Variants in TMTC2 observed in about 807,000 individuals in gnomAD.
The protein encoded by TMTC2 is transmembrane O-mannosyltransferase targeting cadherins 2, also known as protein O-mannosyl-transferase TMTC2.
Under a neutral mutation model 82.4 loss-of-function variants are expected in TMTC2, and 43 were observed. That is an observed-to-expected ratio of 0.52 (90% CI 0.41 to 0.67). The LOEUF (loss-of-function observed/expected upper bound fraction) is 0.67, where lower values mean the gene tolerates loss of function less well. Ranked by LOEUF, TMTC2 falls within the 30% of genes least tolerant of loss-of-function variation. TMTC2 has a pLI of 0.00. For synonymous variants in TMTC2, 408 were observed against 381.9 expected, an observed-to-expected ratio of 1.07 and a Z score of -0.80; for missense variants, 919 against 1,012.4, an observed-to-expected ratio of 0.91 and a Z score of 1.25.
chr12:83,018,965 C>T (rs1002751636), intron 8 of TMTC2, among the ~76,000 whole-genome samples: 1 of 152,104 alleles, frequency 6.6e-6, no homozygotes, highest in Non-Finnish European at 1.5e-5. Flanking sequence ...AAAGAGATTA[C>T]AAATGGTAAT....
At chr12:82,876,282 A>C (rs541616771) in intron 2 of TMTC2, among the ~76,000 whole-genome samples, 1 of 151,366 alleles carries the variant, frequency 6.6e-6, no homozygotes, top group East Asian at 1.9e-4. Context: ...TGTTTCTCAC[A>C]GTGTTTACCT....
intron 11 of TMTC2, among the ~76,000 whole-genome samples, chr12:83,080,996 A>G (rs1340996756): frequency 6.6e-6 from 1 of 152,220 alleles, no homozygotes; most frequent in African/African-American, 2.4e-5. Context: ...TGTGGATATA[A>G]TGAGAAATAG....
At chr12:83,010,260 G>C (rs748624544) in intron 8 of TMTC2, among the ~76,000 whole-genome samples, 3 of 152,120 alleles carry the variant, frequency 2.0e-5, no homozygotes, top group African/African-American at 7.2e-5. Flanking sequence ...AATAAACATA[G>C]AGATTGACCC....
At chr12:83,001,910 CAG>C (rs996567288) in intron 8 of TMTC2, among the ~76,000 whole-genome samples, 92 of 152,164 alleles carry the variant, frequency 6.0e-4, no homozygotes, top group African/African-American at 2.2e-3. Flanking sequence ...AAAAAAAAGA[CAG>C]AGTTTTGAGC....
At chr12:83,061,252 T>C (rs1255221567) in intron 10 of TMTC2, among the ~76,000 whole-genome samples, 1 of 151,796 alleles carries the variant, frequency 6.6e-6, no homozygotes, top group East Asian at 1.9e-4. Context: ...GGACACATAA[T>C]CTGGACTTTT....
intron 4 of TMTC2, among the ~76,000 whole-genome samples, chr12:82,952,849 A>G (rs1244891293): frequency 1.3e-5 from 2 of 152,184 alleles, no homozygotes. Context: ...CTGGGATTAC[A>G]GCCATGAGCC....
chr12:82,953,504 G>T (rs1433028975), intron 4 of TMTC2, among the ~76,000 whole-genome samples: 2 of 152,114 alleles, frequency 1.3e-5, no homozygotes, highest in East Asian at 3.9e-4. Context: ...TTTCATGAGT[G>T]TACCGTGCTA....
At chr12:82,997,368 G>GTATATATATA (rs374059079) in intron 8 of TMTC2, among the ~76,000 whole-genome samples, 2 of 35,468 alleles carry the variant, frequency 5.6e-5, no homozygotes, top group African/African-American at 7.9e-5. Flanking sequence ...ATATATATGT[G>GTATATATATA]TATATATATA....
At chr12:83,119,491 A>G (rs539147855) in intron 11 of TMTC2, among the ~76,000 whole-genome samples, 1 of 152,180 alleles carries the variant, frequency 6.6e-6, no homozygotes, top group South Asian at 2.1e-4. Flanking sequence ...GTTCTATTCC[A>G]CTGTGGTGTG....
chr12:83,020,989 G>A (rs1009158935), intron 8 of TMTC2, among the ~76,000 whole-genome samples: 1 of 151,974 alleles, frequency 6.6e-6, no homozygotes, highest in Non-Finnish European at 1.5e-5. Context: ...AGAATCTCAG[G>A]TATTTAAATA....
At chr12:82,767,116 C>G (rs1295027440) in intron 1 of TMTC2, among the ~76,000 whole-genome samples, 1 of 152,112 alleles carries the variant, frequency 6.6e-6, no homozygotes, top group Non-Finnish European at 1.5e-5. Context: ...TCACTGTTCT[C>G]TATTTTAAAT....
rs147652973 is a variant in TMTC2, at chr12:83,000,881, G to A, written c.2070+14835G>A. Among the ~76,000 whole-genome samples, 1,221 of 152,292 alleles carry A rather than the reference G, an allele frequency of 8.0e-3. 12 individuals carry two copies. Among genetic ancestry groups the A allele is most frequent in the African/African-American group, 0.028 (1,177 of 41,560 alleles). Reference sequence around the variant, plus strand: ...CTTAATTCTTGACTTCCGTGCACCTGCAGGCTCAACACCACATGGAAGCTG... The same window carrying A: ...CTTAATTCTTGACTTCCGTGCACCTACAGGCTCAACACCACATGGAAGCTG... On this transcript the variant is annotated intron_variant, in intron 8 of 11. Transcript: ENST00000321196.
chr12:82,887,524 A>G (rs1370909519), intron 2 of TMTC2, among the ~76,000 whole-genome samples: 4 of 152,156 alleles, frequency 2.6e-5, no homozygotes, highest in Non-Finnish European at 5.9e-5. Context: ...TTTTCTGATA[A>G]ATTTCACATT....
chr12:82,875,166 C>G (rs988496434), intron 2 of TMTC2, among the ~76,000 whole-genome samples: 3 of 152,048 alleles, frequency 2.0e-5, no homozygotes, highest in African/African-American at 7.2e-5. Flanking sequence ...TTGCTAAACT[C>G]ATATGTATGA....
intron 2 of TMTC2, among the ~76,000 whole-genome samples, chr12:82,869,102 A>G (rs1373337022): frequency 6.6e-6 from 1 of 152,206 alleles, no homozygotes; most frequent in East Asian, 1.9e-4. Context: ...AATATGATTT[A>G]CTTGACAGAT....
Position 83,048,051 on chromosome 12 carries a change from A to G in TMTC2, c.2153-2853A>G, listed in dbSNP as rs191517373. ...TGCCTGTAAAGGAAAAGAACAATTA[A>G]TAATTTCCTACATTATCCTTTGTTT... On this transcript the variant is annotated intron_variant, in intron 9 of 11. Transcript: ENST00000321196. 6.6e-5 allele frequency among the ~76,000 whole-genome samples: 10 copies of G among 152,372 alleles called. No individual in the cohort carries two copies. In the East Asian group the frequency reaches 1.5e-3, roughly 23 times the overall value.
chr12:82,903,474 C>G (rs556497132), intron 3 of TMTC2, among the ~76,000 whole-genome samples: 122 of 152,256 alleles, frequency 8.0e-4, no homozygotes, highest in Non-Finnish European at 1.4e-3. Context: ...TGCAGTGGCG[C>G]GATCTCGCCT....
At chr12:82,842,160 T>C (rs1380979977) in intron 1 of TMTC2, among the ~76,000 whole-genome samples, 2 of 152,238 alleles carry the variant, frequency 1.3e-5, no homozygotes, top group South Asian at 2.1e-4. Flanking sequence ...ATTAAGTGTA[T>C]GCACTTCTTT....
At chr12:82,952,571 A>T (rs1342470471) in intron 4 of TMTC2, among the ~76,000 whole-genome samples, 3 of 152,058 alleles carry the variant, frequency 2.0e-5, no homozygotes, top group African/African-American at 7.2e-5. Flanking sequence ...TTTGAGATGG[A>T]GTCTTGCTCT....
Sources: allele counts gnomAD v4.1 joint callset (sites outside exome capture counted in the v4.1 genomes callset), GRCh38; gene constraint gnomAD v4.1.1; transcripts MANE v1.5; gene names NCBI Gene and HGNC (gene_info 2026-07-23, HGNC 2026-07-21).